FRMD4B: variants seen among roughly 807,000 people sequenced by gnomAD.
FRMD4B encodes the protein FERM domain-containing protein 4B.
A neutral mutation model predicts 141.5 loss-of-function variants in FRMD4B; 74 were observed. The observed-to-expected ratio is 0.52, with a 90% CI of 0.43 to 0.63. The LOEUF is 0.63. Among genes scored for constraint, FRMD4B ranks in the 30% least tolerant of loss-of-function variants. FRMD4B has a pLI of 0.00. For synonymous variants in FRMD4B, 506 were observed against 467.9 expected, an observed-to-expected ratio of 1.08 and a Z score of -1.05; for missense variants, 1,366 against 1,253.4, an observed-to-expected ratio of 1.09 and a Z score of -1.36.
chr3:69,421,289 C>T (rs912476465), intron 2 of FRMD4B, among the ~76,000 whole-genome samples: 1 of 152,252 alleles, frequency 6.6e-6, no homozygotes, highest in Non-Finnish European at 1.5e-5. Flanking sequence ...TTGCATAAGG[C>T]ACTTTGTGTC....
rs369264393 is a variant in FRMD4B, at chr3:69,309,690, G to A, written c.323+1573C>T. On this transcript the variant is annotated intron_variant, in intron 3 of 22. Transcript: ENST00000398540. ...TGAAACTCCTGTACTCAAGGGATCT[G>A]CCCATCTCGGCCCTCCAAAGTGCGG... Among the ~76,000 whole-genome samples, 95 of 144,898 alleles carry A rather than the reference G, an allele frequency of 6.6e-4. 1 individual carries two copies. The highest frequency in any genetic ancestry group is 1.5e-3 in the African/African-American group (58 of 38,966).
Position 69,195,246 on chromosome 3 carries a change from G to A in FRMD4B, c.1353C>T (p.Ile451=). The change falls in exon 15 of 23, where the codon ATC becomes ATT. Residue 451 remains isoleucine (I), a synonymous_variant. Transcript: ENST00000398540. ...LLKKVEELKK[I]CLREAELTGK... ...GCAGACTCACAGCCTCCCGCAGACA[G>A]ATCTTCTTAAGCTCCTCAACTTTTT... 1 of 1,613,082 alleles carries A rather than the reference G, an allele frequency of 6.2e-7. No individual in the cohort carries two copies. The highest frequency in any genetic ancestry group is 1.1e-5 in the South Asian group (1 of 90,896).
chr3:69,447,132 C>T (rs1041284579), intron 1 of FRMD4B, among the ~76,000 whole-genome samples: 2 of 152,112 alleles, frequency 1.3e-5, no homozygotes, highest in African/African-American at 4.8e-5. Context: ...GAAGGTAATT[C>T]CACTCTGACT....
chr3:69,200,015 C>T (rs1009921921), intron 11 of FRMD4B, among the ~76,000 whole-genome samples: 1 of 151,990 alleles, frequency 6.6e-6, no homozygotes, highest in Admixed American at 6.6e-5. Flanking sequence ...TATTAGACTT[C>T]GGCTGGATTT....
chr3:69,216,220 G>C (rs62254460), intron 11 of FRMD4B, 43 bp downstream of exon 11: 924,913 of 1,044,828 alleles, frequency 0.89, 412,167 homozygotes, highest in East Asian at 0.99. Context: ...TGATTAACAT[G>C]TTTTGAACAG....
At chr3:69,463,124 C>A (rs540186370) in intron 1 of FRMD4B, among the ~76,000 whole-genome samples, 2 of 152,206 alleles carry the variant, frequency 1.3e-5, no homozygotes, top group Non-Finnish European at 2.9e-5. Flanking sequence ...TGTGACCCAC[C>A]CTTGCATCCA....
intron 1 of FRMD4B, among the ~76,000 whole-genome samples, chr3:69,372,351 T>C (rs1031955888): frequency 2.0e-5 from 3 of 152,216 alleles, no homozygotes; most frequent in Non-Finnish European, 2.9e-5. Flanking sequence ...TAATAAATAT[T>C]GCTCAATAAA....
intron 1 of FRMD4B, among the ~76,000 whole-genome samples, chr3:69,349,487 T>C (rs1416754127): frequency 1.3e-5 from 2 of 152,092 alleles, no homozygotes; most frequent in African/African-American, 2.4e-5. Flanking sequence ...AAAGTTCATA[T>C]AGAACCAAAA....
intron 1 of FRMD4B, among the ~76,000 whole-genome samples, chr3:69,481,755 C>G (rs1559541244): frequency 6.6e-6 from 1 of 152,130 alleles, no homozygotes; most frequent in Non-Finnish European, 1.5e-5. Context: ...TTTAGGGCCC[C>G]ACATTCAAGA....
intron 2 of FRMD4B, among the ~76,000 whole-genome samples, chr3:69,397,608 A>G (rs1451100475): frequency 1.3e-5 from 2 of 152,226 alleles, no homozygotes; most frequent in East Asian, 1.9e-4. Context: ...AAAGAAGCCA[A>G]TCATAAAGGA....
chr3:69,484,481 G>C (rs1390890175), intron 1 of FRMD4B, among the ~76,000 whole-genome samples: 1 of 152,180 alleles, frequency 6.6e-6, no homozygotes, highest in Non-Finnish European at 1.5e-5. Context: ...ACAGACAAAA[G>C]GAGGGTAAAC....
intron 1 of FRMD4B, among the ~76,000 whole-genome samples, chr3:69,465,554 C>T (rs1043425383): frequency 5.3e-5 from 8 of 152,022 alleles, no homozygotes; most frequent in South Asian, 4.2e-4. Context: ...CCCCAGCCCC[C>T]GACAGGCCCC....
intron 5 of FRMD4B, among the ~76,000 whole-genome samples, chr3:69,279,631 G>T (rs1328967340): frequency 6.6e-6 from 1 of 151,876 alleles, no homozygotes; most frequent in East Asian, 1.9e-4. Context: ...AGCTAAGGGT[G>T]AGCTCTTAAG....
chr3:69,341,670 A>G (rs931079111), intron 1 of FRMD4B, among the ~76,000 whole-genome samples: 5 of 152,186 alleles, frequency 3.3e-5, no homozygotes, highest in African/African-American at 1.2e-4. Flanking sequence ...GGTGTTGCCA[A>G]TGTCTGTAGT....
chr3:69,296,672 C>T (rs1324119797), intron 4 of FRMD4B, among the ~76,000 whole-genome samples: 3 of 152,188 alleles, frequency 2.0e-5, no homozygotes, highest in Non-Finnish European at 2.9e-5. Context: ...AGTTGTTTCT[C>T]AGGGCCTTTA....
At position 69,189,940 on chromosome 3, in the gene FRMD4B, G is replaced by A. The variant is rs753345056; in HGVS notation, c.1727C>T (p.Pro576Leu). Reference protein sequence around the residue: ...KATVLPEDIIPSESSSLSDTT... With the variant: ...KATVLPEDIILSESSSLSDTT... ...GTCAGACAAAGAGCTACTCTCTGAG[G>A]GGATTATGTCTTCTGTGAATAAAAA... The change falls in exon 18 of 23, where the codon CCC becomes CTC. Residue 576 changes from proline to leucine, a missense_variant. Coordinates refer to ENST00000398540, the MANE Select transcript of FRMD4B (RefSeq NM_015123.3). The A allele has an allele frequency of 6.3e-7, 1 of 1,590,702 alleles. No homozygotes were observed. Among genetic ancestry groups the A allele is most frequent in the Admixed American group, 1.7e-5 (1 of 59,984 alleles).
chr3:69,501,360 T>A (rs1235707052), intron 1 of FRMD4B, among the ~76,000 whole-genome samples: 1 of 151,986 alleles, frequency 6.6e-6, no homozygotes, highest in Non-Finnish European at 1.5e-5. Flanking sequence ...ATGGCATATA[T>A]GTATTACCAT....
chr3:69,424,708 T>A (rs1705049089), intron 2 of FRMD4B, among the ~76,000 whole-genome samples: 1 of 152,186 alleles, frequency 6.6e-6, no homozygotes, highest in South Asian at 2.1e-4. Flanking sequence ...GACAAAAGAA[T>A]TGAGGTAAGA....
At chr3:69,226,703 A>T (rs2093257668) in intron 7 of FRMD4B, among the ~76,000 whole-genome samples, 1 of 152,202 alleles carries the variant, frequency 6.6e-6, no homozygotes, top group Non-Finnish European at 1.5e-5. Context: ...GTTGCTATTT[A>T]TCATAAATTT....
Sources: allele counts gnomAD v4.1 joint callset (sites outside exome capture counted in the v4.1 genomes callset), GRCh38; gene constraint gnomAD v4.1.1; transcripts MANE v1.5; gene names NCBI Gene and HGNC (gene_info 2026-07-23, HGNC 2026-07-21).